Variants in CNKSR2 observed in about 807,000 individuals in gnomAD.
CNKSR2 encodes the protein CNK homolog protein 2.
Under a neutral mutation model 84.4 loss-of-function variants are expected in CNKSR2, and 14 were observed. That is an observed-to-expected ratio of 0.17 (90% CI 0.11 to 0.26). CNKSR2 has a LOEUF of 0.26. Among genes scored for constraint, CNKSR2 ranks in the 10% least tolerant of loss-of-function variants. The pLI is 1.00. For synonymous variants in CNKSR2, 275 were observed against 277.9 expected (o/e 0.99, Z 0.10); for missense variants, 485 against 771.2 (o/e 0.63, Z 4.40).
At chrX:21,399,322 A>G (rs750099677) in intron 1 of CNKSR2, among the ~76,000 whole-genome samples, 17 of 111,425 alleles carry the variant, frequency 1.5e-4, no homozygotes, top group African/African-American at 4.5e-4. Flanking sequence ...CTACTTTCTG[A>G]GTATATATTA....
intron 4 of CNKSR2, among the ~76,000 whole-genome samples, chrX:21,462,437 G>A (rs1211658776): frequency 1.8e-5 from 2 of 111,340 alleles, no homozygotes; most frequent in Admixed American, 1.9e-4. Flanking sequence ...TTTTCTTGGA[G>A]TCTTTAGATT....
Position 21,397,804 on chromosome X carries a change from C to A in CNKSR2, c.64+22843C>A, listed in dbSNP as rs766675932. ...TTAAGGTGATAAATATGCTAATTACCCTGATTTGATCATTACATTGTATAC... is the reference window on the plus strand; with the variant it reads ...TTAAGGTGATAAATATGCTAATTACACTGATTTGATCATTACATTGTATAC... On this transcript the variant is annotated intron_variant, in intron 1 of 21. Transcript: ENST00000379510. Among the ~76,000 whole-genome samples, 4 of 111,337 alleles carry A rather than the reference C, an allele frequency of 3.6e-5. No individual in the cohort carries two copies. The South Asian group carries it at 1.5e-3, about 42-fold the overall frequency.
chrX:21,565,556 T>C (rs1429394544), intron 13 of CNKSR2, among the ~76,000 whole-genome samples: 2 of 111,451 alleles, frequency 1.8e-5, no homozygotes, highest in Non-Finnish European at 3.8e-5. Flanking sequence ...TCCCAGATAG[T>C]TGACATCTAT....
rs1204724900 is a variant in CNKSR2 at position 21,609,321 on chromosome X, C to G, written c.2396C>G (p.Ala799Gly). ...LEDSVFSDSAAISPEHRRQST... is the reference protein window; with the variant it reads ...LEDSVFSDSAGISPEHRRQST... ...GATTCTGTCTTCTCTGACTCCGCGG[C>G]CATCTCCCCAGAGCACAGGCGGCAG... The change falls in exon 20 of 22, where the codon GCC (alanine) becomes GGC (glycine). Residue 799 changes from alanine to glycine, a missense_variant. Physicochemically the swap from Ala to Gly is moderately conservative, Grantham distance 60. Coordinates refer to ENST00000379510, the MANE Select transcript of CNKSR2 (RefSeq NM_014927.5). The G allele has an allele frequency of 8.3e-6, 10 of 1,211,625 alleles. 2 individuals are homozygous for G. The Admixed American group carries it at 2.2e-4, about 26-fold the overall frequency.
intron 1 of CNKSR2, among the ~76,000 whole-genome samples, chrX:21,411,736 A>G (rs1045801693): frequency 9.0e-6 from 1 of 110,993 alleles, no homozygotes; most frequent in African/African-American, 3.3e-5. Flanking sequence ...TCAAATCACC[A>G]TATTATGGGC....
chrX:21,538,025 C>T (rs2147135069), intron 11 of CNKSR2: 1 of 111,330 alleles, frequency 9.0e-6, no homozygotes, highest in Admixed American at 9.6e-5. Context: ...TCTACTCTAC[C>T]AGTGACTTTT....
intron 20 of CNKSR2, among the ~76,000 whole-genome samples, chrX:21,611,998 C>G (rs1203650223): frequency 1.8e-5 from 2 of 112,130 alleles, no homozygotes; most frequent in Admixed American, 1.9e-4. Context: ...TGCATTCATC[C>G]TTTCCTGGAA....
At position 21,535,925 on chromosome X, in the gene CNKSR2, G is replaced by A. The variant is rs967856898; in HGVS notation, c.1303+3858G>A. Among the ~76,000 whole-genome samples the A allele has an allele frequency of 8.1e-5, 9 of 111,438 alleles. No homozygotes were observed. The South Asian group carries it at 3.3e-3, about 41-fold the overall frequency. On this transcript the variant is annotated intron_variant, in intron 11 of 21. Coordinates refer to ENST00000379510, the MANE Select transcript of CNKSR2 (RefSeq NM_014927.5). ...TATGTTAAATAGGAGTTGTGAAAGT[G>A]CTCATCCTTGTCTTGTTCCAGTTTT... is the stretch of plus-strand genomic sequence containing the variant.
At chrX:21,552,173 C>A (rs1248713544) in intron 11 of CNKSR2, among the ~76,000 whole-genome samples, 1 of 110,549 alleles carries the variant, frequency 9.0e-6, no homozygotes, top group Non-Finnish European at 1.9e-5. Context: ...GCTTTCAGAT[C>A]ACAATATGAC....
At chrX:21,433,129 C>T (rs899679008) in intron 3 of CNKSR2, among the ~76,000 whole-genome samples, 4 of 111,095 alleles carry the variant, frequency 3.6e-5, no homozygotes, top group African/African-American at 1.3e-4. Flanking sequence ...TGCTTTGTGT[C>T]CTGATGTTCT....
intron 5 of CNKSR2, among the ~76,000 whole-genome samples, chrX:21,479,680 A>G (rs140296022): frequency 1.8e-3 from 203 of 111,104 alleles, no homozygotes; most frequent in Non-Finnish European, 3.2e-3. Context: ...TTTAAGTGGA[A>G]CACCCTTCCC....
At chrX:21,635,378 ATGTGTGTGTGTGTG>A (rs74314224) in intron 20 of CNKSR2, among the ~76,000 whole-genome samples, 3 of 94,730 alleles carry the variant, frequency 3.2e-5, no homozygotes, top group Admixed American at 1.2e-4. Context: ...TCTAAAATAA[ATGTGTGTGTGTGTG>A]TGTGTGTGTG....
At chrX:21,634,897 AGT>A (rs1358797479) in intron 20 of CNKSR2, among the ~76,000 whole-genome samples, 7 of 107,346 alleles carry the variant, frequency 6.5e-5, no homozygotes, top group Non-Finnish European at 1.3e-4. Context: ...CATTTATTTT[AGT>A]GTGTGTATAT....
intron 1 of CNKSR2, among the ~76,000 whole-genome samples, chrX:21,385,891 ACTT>A (rs1158628911): frequency 1.8e-5 from 2 of 109,568 alleles, no homozygotes; most frequent in African/African-American, 3.3e-5. Flanking sequence ...AGTTGTTTCT[ACTT>A]CTCAGGATAG....
At position 21,609,622 on chromosome X, in the gene CNKSR2, GTA is replaced by G; in HGVS notation, c.2692+7_2692+8del. 1 of 1,179,670 alleles carries G rather than the reference GTA, an allele frequency of 8.5e-7. No homozygotes were observed. On this transcript the variant is annotated splice_donor_region_variant and intron_variant, in intron 20 of 21. Coordinates refer to ENST00000379510, the MANE Select transcript of CNKSR2 (RefSeq NM_014927.5). ...GGGAAAACATAGGAGAAAAAAGTAA[GTA>G]TGTTTCTGGAGATTCTTAGCCTGTG...
At chrX:21,639,575 A>G (rs1408517178) in intron 20 of CNKSR2, among the ~76,000 whole-genome samples, 1 of 112,103 alleles carries the variant, frequency 8.9e-6, no homozygotes, top group African/African-American at 3.2e-5. Context: ...AGATATTTCC[A>G]TCAGATTCCT....
At chrX:21,403,235 T>G (rs2090216943) in intron 1 of CNKSR2, among the ~76,000 whole-genome samples, 2 of 111,410 alleles carry the variant, frequency 1.8e-5, no homozygotes, top group Admixed American at 1.9e-4. Context: ...GTAACAGGCA[T>G]AGGGGAAATC....
chrX:21,556,982 G>C (rs1210795698), intron 11 of CNKSR2, among the ~76,000 whole-genome samples: 2 of 109,681 alleles, frequency 1.8e-5, no homozygotes, highest in East Asian at 5.8e-4. Context: ...CCCTTGAGTA[G>C]GTCGGAGGGA....
chrX:21,382,665 GA>G (rs1385194908), intron 1 of CNKSR2, among the ~76,000 whole-genome samples: 2 of 110,967 alleles, frequency 1.8e-5, no homozygotes, highest in Non-Finnish European at 3.8e-5. Flanking sequence ...CGATAAAATG[GA>G]AAAACAACCC....
Sources: gnomAD v4.1 joint callset for allele counts (sites outside exome capture counted in the v4.1 genomes callset) on GRCh38, gnomAD v4.1.1 for gene constraint, MANE v1.5 for transcripts, NCBI Gene and HGNC (gene_info 2026-07-23, HGNC 2026-07-21) for gene names.